TOX: variants seen among roughly 807,000 people sequenced by gnomAD.
The protein encoded by TOX is thymocyte selection-associated high mobility group box protein TOX.
A neutral mutation model predicts 53.7 loss-of-function variants in TOX; 11 were observed. That is an observed-to-expected ratio of 0.20 (90% CI 0.13 to 0.34). The LOEUF is 0.34. Among genes scored for constraint, TOX ranks in the 10% least tolerant of loss-of-function variants. The pLI, the probability that TOX is intolerant of heterozygous loss-of-function variation, is 1.00. For synonymous variants in TOX, 225 were observed against 245.3 expected, an observed-to-expected ratio of 0.92 and a Z score of 0.77; for missense variants, 570 against 664.6, an observed-to-expected ratio of 0.86 and a Z score of 1.56.
At chr8:58,901,862 G>A (rs1353100783) in intron 3 of TOX, among the ~76,000 whole-genome samples, 1 of 152,088 alleles carries the variant, frequency 6.6e-6, no homozygotes, top group Non-Finnish European at 1.5e-5. Context: ...AAGTAGCCTG[G>A]ACAGACTTTA....
chr8:58,837,827 G>A (rs372151878), intron 5 of TOX, among the ~76,000 whole-genome samples: 60 of 152,260 alleles, frequency 3.9e-4, no homozygotes, highest in African/African-American at 1.4e-3. Flanking sequence ...TCCTGTCTGA[G>A]ATATGTAAAA....
chr8:58,938,002 T>TC (rs1412937409), intron 3 of TOX, among the ~76,000 whole-genome samples: 29 of 152,196 alleles, frequency 1.9e-4, no homozygotes, highest in Non-Finnish European at 4.4e-5. Context: ...TACTTAATAC[T>TC]CATAAGCTAA....
At chr8:59,086,199 G>T (rs1804506575) in intron 1 of TOX, among the ~76,000 whole-genome samples, 1 of 151,730 alleles carries the variant, frequency 6.6e-6, no homozygotes, top group Non-Finnish European at 1.5e-5. Context: ...TGTTGAGGCT[G>T]GTCTCATACT....
At chr8:59,084,744 T>C (rs1236180722) in intron 1 of TOX, among the ~76,000 whole-genome samples, 1 of 152,194 alleles carries the variant, frequency 6.6e-6, no homozygotes, top group African/African-American at 2.4e-5. Flanking sequence ...TCTAGAAATG[T>C]CAGCTTTTGG....
At chr8:58,959,873 T>C in intron 2 of TOX, 70 bp downstream of exon 2, 2 of 1,490,430 alleles carry the variant, frequency 1.3e-6, no homozygotes, top group East Asian at 2.3e-5. Flanking sequence ...GTGCTACTCA[T>C]TTGCAATGCA....
At position 58,851,823 on chromosome 8, in the gene TOX, A is replaced by G. The variant is rs1296098416; in HGVS notation, c.412-18T>C. ...TCTGGCATCTACAATAAATAAATAA[A>G]TAAATAAATAAATAAATAAATAAAT... is the stretch of plus-strand genomic sequence containing the variant. On this transcript the variant is annotated intron_variant, in intron 3 of 8. Coordinates refer to ENST00000361421, the MANE Select transcript of TOX (RefSeq NM_014729.3). This position sits in a 1 kb window ranked among gnomAD's most constrained non-coding sequence, Gnocchi z 4.4. The G allele has an allele frequency of 3.9e-6, 5 of 1,269,616 alleles. No individual in the cohort carries two copies. The African/African-American group carries it at 7.7e-5, about 20-fold the overall frequency. 78.6% of individuals were successfully genotyped at this position (1,269,616 alleles called of 1,614,324 possible). A position where few individuals can be genotyped will look rare whatever the true frequency, so the allele number is the denominator to read the frequency against.
chr8:59,062,791 T>A (rs1025748909), intron 1 of TOX, among the ~76,000 whole-genome samples: 1 of 152,136 alleles, frequency 6.6e-6, no homozygotes, highest in Non-Finnish European at 1.5e-5. Flanking sequence ...AGGGTGTGTG[T>A]GTGTGTCTGT....
chr8:58,848,449 C>T (rs372702698), intron 4 of TOX, among the ~76,000 whole-genome samples: 7 of 151,748 alleles, frequency 4.6e-5, no homozygotes, highest in African/African-American at 7.3e-5. Flanking sequence ...TTTAACTACA[C>T]GAAATTTATA....
Position 58,815,399 on chromosome 8 carries a change from G to GGCTGCTGCATGGTGAGCGGCTGGT in TOX, c.1307_1330dup (p.His436_Gln443dup), listed in dbSNP as rs1810156740. On this transcript the variant is annotated inframe_insertion, in exon 7 of 9. Coordinates refer to ENST00000361421, the MANE Select transcript of TOX (RefSeq NM_014729.3). ...CTGCATGGGGAGCTGGTTCCCAAGG[G>GGCTGCTGCATGGTGAGCGGCTGGT]GCTGCTGCATGGTGAGCGGCTGGTG... 2 of 1,613,520 alleles carry GGCTGCTGCATGGTGAGCGGCTGGT rather than the reference G, an allele frequency of 1.2e-6. No individual in the cohort carries two copies. Among genetic ancestry groups the GGCTGCTGCATGGTGAGCGGCTGGT allele is most frequent in the Admixed American group, 1.7e-5 (1 of 59,964 alleles).
chr8:58,939,602 CA>C (rs1198420905), intron 2 of TOX, 58 bp from the exon 3 acceptor site: 177 of 1,532,828 alleles, frequency 1.2e-4, no homozygotes, highest in Non-Finnish European at 1.5e-4. Flanking sequence ...TCTTCATCAT[CA>C]TATCAAACAC....
chr8:59,059,374 AAT>A (rs1803939135), intron 1 of TOX, among the ~76,000 whole-genome samples: 1 of 152,230 alleles, frequency 6.6e-6, no homozygotes, highest in Admixed American at 6.5e-5. Flanking sequence ...ACCGGAAGAA[AAT>A]AATTTAATTG....
At chr8:58,914,103 A>G (rs1811958981) in intron 3 of TOX, among the ~76,000 whole-genome samples, 1 of 152,228 alleles carries the variant, frequency 6.6e-6, no homozygotes, top group Non-Finnish European at 1.5e-5. Flanking sequence ...TGAAGGTCAT[A>G]GTTCTAAGCA....
intron 1 of TOX, among the ~76,000 whole-genome samples, chr8:59,007,221 C>CTT (rs34054301): frequency 6.7e-6 from 1 of 149,934 alleles, no homozygotes. Flanking sequence ...GGGCTGTCAT[C>CTT]TTTTTTTTTT....
chr8:58,879,060 C>CAAAA (rs36010111), intron 3 of TOX, among the ~76,000 whole-genome samples: 25,282 of 127,072 alleles, frequency 0.2, 2,593 homozygotes, highest in African/African-American at 0.26. Flanking sequence ...GACTTCATCT[C>CAAAA]AAAAAAAAAA....
chr8:58,892,749 T>C (rs1485822318), intron 3 of TOX, among the ~76,000 whole-genome samples: 1 of 152,158 alleles, frequency 6.6e-6, no homozygotes, highest in Non-Finnish European at 1.5e-5. Flanking sequence ...ATGTACTCTA[T>C]TGGGAATCAG....
chr8:58,931,909 T>C (rs79569187), intron 3 of TOX, among the ~76,000 whole-genome samples: 1,982 of 152,218 alleles, frequency 0.013, 58 homozygotes, highest in African/African-American at 0.046. Context: ...AAAGAAAAAG[T>C]GTTATTTTTA....
chr8:58,997,823 C>T (rs1452153942), intron 1 of TOX, among the ~76,000 whole-genome samples: 1 of 152,020 alleles, frequency 6.6e-6, no homozygotes, highest in Admixed American at 6.5e-5. Flanking sequence ...GACGGAGTCT[C>T]CCTCTGTCGC....
At chr8:59,059,798 A>G (rs1803946945) in intron 1 of TOX, among the ~76,000 whole-genome samples, 1 of 152,202 alleles carries the variant, frequency 6.6e-6, no homozygotes, top group South Asian at 2.1e-4. Context: ...ATTGTTTCAA[A>G]AGAACTCTTG....
At chr8:58,911,884 T>C (rs1422578038) in intron 3 of TOX, among the ~76,000 whole-genome samples, 1 of 152,160 alleles carries the variant, frequency 6.6e-6, no homozygotes, top group Non-Finnish European at 1.5e-5. Flanking sequence ...GTATTTTTAG[T>C]GGAGACGGGG....
Sources: gnomAD v4.1 joint callset for allele counts (sites outside exome capture counted in the v4.1 genomes callset) on GRCh38, gnomAD v4.1.1 for gene constraint, Gnocchi (gnomAD v3.1) non-coding constraint, MANE v1.5 for transcripts, NCBI Gene and HGNC (gene_info 2026-07-23, HGNC 2026-07-21) for gene names.